The following KCTD4 variants were observed in gnomAD, a reference collection of about 807,000 sequenced individuals.
KCTD4 encodes the protein BTB/POZ domain-containing protein KCTD4.
In KCTD4, 12 loss-of-function variants were observed where a neutral mutation model predicts 18.3. The observed-to-expected ratio is 0.66, with a 90% CI of 0.42 to 1.06. The LOEUF is 1.06. Among genes scored for constraint, KCTD4 ranks in the 50% least tolerant of loss-of-function variants. The pLI is 0.00. For missense variants in KCTD4, 250 were observed against 303.4 expected (o/e 0.82, Z 1.31); for synonymous variants, 124 against 110.5 (o/e 1.12, Z -0.76).
intron 1 of KCTD4, among the ~76,000 whole-genome samples, chr13:45,196,511 A>G (rs1872898685): frequency 6.6e-6 from 1 of 152,228 alleles, no homozygotes; most frequent in Admixed American, 6.5e-5. Context: ...CATTCATGGA[A>G]TTCTTGTGTT....
intron 1 of KCTD4, among the ~76,000 whole-genome samples, chr13:45,199,481 G>A (rs968123035): frequency 1.3e-5 from 2 of 151,708 alleles, no homozygotes; most frequent in African/African-American, 4.8e-5. Context: ...TTATAATTTT[G>A]TAAGCAGAAG....
intron 1 of KCTD4, among the ~76,000 whole-genome samples, chr13:45,195,057 A>G (rs1342867198): frequency 6.6e-6 from 1 of 152,214 alleles, no homozygotes; most frequent in African/African-American, 2.4e-5. Context: ...TAAGTAGGAA[A>G]CATAAGGTGA....
intron 1 of KCTD4, among the ~76,000 whole-genome samples, chr13:45,197,465 C>T (rs1259498054): frequency 1.3e-5 from 2 of 148,638 alleles, no homozygotes; most frequent in African/African-American, 2.5e-5. Context: ...GTGGAGATAG[C>T]GCCACTGCAC....
chr13:45,196,580 C>G (rs969480212), intron 1 of KCTD4, among the ~76,000 whole-genome samples: 12 of 152,170 alleles, frequency 7.9e-5, no homozygotes, highest in Middle Eastern at 3.2e-3. Flanking sequence ...ATCAAAAAGG[C>G]ATAACAATTT....
In KCTD4 at chr13:45,194,631, C is replaced by T. The variant is rs938207095; in HGVS notation, c.-64G>A. Reference sequence around the variant, plus strand: ...TGAGATTTTTTAAAAAGAGACACTACCACACAAGCACGCCTTTATTCAGCC... The same window carrying T: ...TGAGATTTTTTAAAAAGAGACACTATCACACAAGCACGCCTTTATTCAGCC... On this transcript the variant is annotated 5_prime_UTR_variant, in exon 2 of 2. Coordinates refer to ENST00000379108, the MANE Select transcript of KCTD4 (RefSeq NM_198404.3). 7.1e-7 allele frequency: 1 copy of T among 1,406,778 alleles called. No individual in the cohort carries two copies. Among genetic ancestry groups the T allele is most frequent in the Non-Finnish European group, 9.8e-7 (1 of 1,018,666 alleles). 87.1% of individuals were successfully genotyped at this position (1,406,778 alleles called of 1,614,324 possible).
chr13:45,194,235 T>G lies in KCTD4; in HGVS notation c.333A>C (p.Ala111=), dbSNP rs141370175. The G allele has an allele frequency of 1.1e-4, 170 of 1,614,134 alleles. 1 individual carries two copies. The East Asian group carries it at 3.7e-3, about 35-fold the overall frequency. ...TGAGCTGAAAGAATTCTGCTTCTTG[T>G]GCAAGAAGTTGATTTTCTCGAAACC... The part of the protein sequence containing the change: ...PEGFRENQLL[A]QEAEFFQLKG... The change falls in exon 2 of 2, where the codon GCA becomes GCC. Residue 111 remains alanine, a synonymous_variant. Coordinates refer to ENST00000379108, the MANE Select transcript of KCTD4 (RefSeq NM_198404.3).
chr13:45,193,900 A>AGTTT lies in KCTD4; in HGVS notation c.667_668insAAAC (p.Leu223GlnfsTer3). ...AGCCATCATGATAGCCTCAAACTTA[A>AGTTT]GAGTTTCCAAGGTACAGACAAAGGT... is the stretch of plus-strand genomic sequence containing the variant. On this transcript the variant is annotated frameshift_variant, in exon 2 of 2. Coordinates refer to ENST00000379108, the MANE Select transcript of KCTD4 (RefSeq NM_198404.3). LOFTEE classifies it high-confidence loss of function. 6.2e-7 allele frequency: 1 copy of AGTTT among 1,614,146 alleles called. No homozygotes were observed.
Position 45,194,469 on chromosome 13 carries a change from T to A in KCTD4, c.99A>T (p.Thr33=). 1 of 1,614,128 alleles carries A rather than the reference T, an allele frequency of 6.2e-7. No homozygotes were observed. The highest frequency in any genetic ancestry group is 8.5e-7 in the Non-Finnish European group (1 of 1,179,956). Residue 33 remains threonine (T), a synonymous_variant, in exon 2 of 2, where the codon ACA becomes ACT. Transcript: ENST00000379108. ...DTDQGKNCKS[T]LMTLNVGGYL... ...ATCCACCAACGTTGAGGGTCATCAG[T>A]GTGGATTTGCAGTTCTTTCCTTGAT...
intron 1 of KCTD4, among the ~76,000 whole-genome samples, chr13:45,196,875 T>TC (rs1292490015): frequency 6.6e-6 from 1 of 152,124 alleles, no homozygotes; most frequent in Non-Finnish European, 1.5e-5. Context: ...CTGCTGACCT[T>TC]CAGTCATCAC....
chr13:45,199,819 G>A (rs530831473), intron 1 of KCTD4, among the ~76,000 whole-genome samples: 1 of 152,296 alleles, frequency 6.6e-6, no homozygotes, highest in East Asian at 1.9e-4. Context: ...CCGTATACTA[G>A]CGCCTGCCAC....
Position 45,194,546 on chromosome 13 carries a change from T to C in KCTD4, c.22A>G (p.Arg8Gly). MERKINR[R>G]EKEKEYEGKH... ...CCTTCATACTCCTTTTCTTTTTCTC[T>C]TCTGTTTATTTTACGCTCCATTTTT... Residue 8 changes from arginine to glycine, a missense_variant, in exon 2 of 2, where the codon AGA becomes GGA. By Grantham distance (125) the Arg-to-Gly change is moderately radical. Coordinates refer to ENST00000379108, the MANE Select transcript of KCTD4 (RefSeq NM_198404.3). 6.2e-7 allele frequency: 1 copy of C among 1,611,568 alleles called. No homozygotes were observed. Among genetic ancestry groups the C allele is most frequent in the Non-Finnish European group, 8.5e-7 (1 of 1,179,078 alleles).
In KCTD4 at chr13:45,200,839, A is replaced by T. The variant is rs1182104218; in HGVS notation, c.-203T>A. Reference sequence around the variant, plus strand: ...TTAAATGTACCTGCTTCTTGAAAAGATTATTTCTTCAGTCTTTTCCCAGAG... The same window carrying T: ...TTAAATGTACCTGCTTCTTGAAAAGTTTATTTCTTCAGTCTTTTCCCAGAG... On this transcript the variant is annotated 5_prime_UTR_variant, in exon 1 of 2. Coordinates refer to ENST00000379108, the MANE Select transcript of KCTD4 (RefSeq NM_198404.3). Among the ~76,000 whole-genome samples the T allele has an allele frequency of 2.0e-5, 3 of 152,184 alleles. No individual in the cohort carries two copies. Among genetic ancestry groups the T allele is most frequent in the Non-Finnish European group, 4.4e-5 (3 of 68,028 alleles).
chr13:45,194,400 G>C lies in KCTD4; in HGVS notation c.168C>G (p.Asp56Glu). Residue 56 changes from aspartate (D) to glutamate (E), a missense_variant, in exon 2 of 2, where the codon GAC becomes GAG. Asp to Glu is a conservative substitution (Grantham distance 45, BLOSUM62 2). Coordinates refer to ENST00000379108, the MANE Select transcript of KCTD4 (RefSeq NM_198404.3). ...TQKQTLTKYPDTFLEGIVNGK... is the reference protein window; with the variant it reads ...TQKQTLTKYPETFLEGIVNGK... ...CATTTACTATACCTTCAAGGAAAGT[G>C]TCTGGGTACTTGGTCAGTGTTTGTT... The C allele has an allele frequency of 6.2e-7, 1 of 1,614,162 alleles. No homozygotes were observed. The highest frequency in any genetic ancestry group is 1.1e-5 in the South Asian group (1 of 91,074).
In KCTD4 at chr13:45,193,852, A is replaced by C. The variant is rs1367189479; in HGVS notation, c.716T>G (p.Leu239Arg). 6 of 1,614,032 alleles carry C rather than the reference A, an allele frequency of 3.7e-6. No homozygotes were observed. Residue 239 changes from leucine (L) to arginine (R), a missense_variant, in exon 2 of 2, where the codon CTG becomes CGG. Coordinates refer to ENST00000379108, the MANE Select transcript of KCTD4 (RefSeq NM_198404.3). ...MMALKCGFRLLTSLDCSKGSI... is the reference protein window; with the variant it reads ...MMALKCGFRLRTSLDCSKGSI... Reference sequence around the variant, plus strand: ...CCCTTTGGAACAATCCAGGCTGGTCAGCAGTCTAAAGCCACACTTTAAAGC... The same window carrying C: ...CCCTTTGGAACAATCCAGGCTGGTCCGCAGTCTAAAGCCACACTTTAAAGC...
At chr13:45,196,849 A>G (rs1422281421) in intron 1 of KCTD4, among the ~76,000 whole-genome samples, 1 of 152,142 alleles carries the variant, frequency 6.6e-6, no homozygotes, top group Non-Finnish European at 1.5e-5. Context: ...GTGAGTCAGG[A>G]CAGCTGGAAG....
chr13:45,196,558 T>C (rs543836823), intron 1 of KCTD4, among the ~76,000 whole-genome samples: 3 of 152,342 alleles, frequency 2.0e-5, no homozygotes, highest in South Asian at 2.1e-4. Context: ...AGTAGCATCA[T>C]ATAATAGCAA....
Position 45,193,540 on chromosome 13 carries a change from C to T in KCTD4, c.*248G>A. 1 of 380,976 alleles carries T rather than the reference C, an allele frequency of 2.6e-6. No homozygotes were observed. 23.6% of individuals were successfully genotyped at this position (380,976 alleles called of 1,614,324 possible). A position where few individuals can be genotyped will look rare whatever the true frequency, so the allele number is the denominator to read the frequency against. On this transcript the variant is annotated 3_prime_UTR_variant, in exon 2 of 2. Coordinates refer to ENST00000379108, the MANE Select transcript of KCTD4 (RefSeq NM_198404.3). ...CAAATAAATAGCAAAAGCTTTCAGT[C>T]TTTATTTACAGTATATAGAAGGTTA... is the stretch of plus-strand genomic sequence containing the variant.
chr13:45,194,926 T>C (rs1287302261), intron 1 of KCTD4, among the ~76,000 whole-genome samples, 172 bp from the exon 2 acceptor site: 6 of 152,246 alleles, frequency 3.9e-5, no homozygotes, highest in Non-Finnish European at 4.4e-5. Context: ...CAAATGTGAA[T>C]GTTTAACTAT....
intron 1 of KCTD4, among the ~76,000 whole-genome samples, chr13:45,197,526 A>G (rs1309071170): frequency 1.3e-5 from 2 of 150,128 alleles, no homozygotes; most frequent in East Asian, 3.9e-4. Context: ...AAAAAAAAAA[A>G]GGCACCCAGT....
Sources: allele counts gnomAD v4.1 joint callset (sites outside exome capture counted in the v4.1 genomes callset), GRCh38; gene constraint gnomAD v4.1.1; transcripts MANE v1.5; gene names NCBI Gene and HGNC (gene_info 2026-07-23, HGNC 2026-07-21).